The following PRMT8 variants were observed in gnomAD, a reference collection of about 807,000 sequenced individuals.
PRMT8 encodes the protein protein arginine methyltransferase 8.
Under a neutral mutation model 47.1 loss-of-function variants are expected in PRMT8, and 7 were observed. The ratio of observed to expected loss-of-function variants is 0.15; its 90% CI spans 0.08 to 0.28. The LOEUF (loss-of-function observed/expected upper bound fraction) is 0.28. PRMT8 is among the 10% of genes least tolerant of loss of function. The pLI is 1.00. For synonymous variants in PRMT8, 188 were observed against 186.5 expected (o/e 1.01, Z -0.07); for missense variants, 237 against 505.4 (o/e 0.47, Z 5.09).
intron 1 of PRMT8, among the ~76,000 whole-genome samples, chr12:3,420,892 G>A (rs758449195): frequency 6.6e-6 from 1 of 152,214 alleles, no homozygotes; most frequent in Non-Finnish European, 1.5e-5. Flanking sequence ...GGCTGCTTCA[G>A]TGAATCTGGA....
chr12:3,491,588 T>C lies in PRMT8; in HGVS notation c.-38T>C, dbSNP rs1173272062. On this transcript the variant is annotated 5_prime_UTR_variant, in exon 1 of 10. Coordinates refer to ENST00000382622, the MANE Select transcript of PRMT8 (RefSeq NM_019854.5). ...AAGCGACACCAGCTCTCTCTCCTCC[T>C]CTACTATCTCGGTATCACCAAACCC... The C allele has an allele frequency of 6.2e-7, 1 of 1,603,002 alleles. No homozygotes were observed.
Position 3,493,170 on chromosome 12 carries a change from T to A in PRMT8, c.75+1470T>A, listed in dbSNP as rs558089306. Among the ~76,000 whole-genome samples the A allele has an allele frequency of 1.3e-5, 2 of 152,282 alleles. No homozygotes were observed. Among genetic ancestry groups the A allele is most frequent in the East Asian group, 3.9e-4 (2 of 5,170 alleles). On this transcript the variant is annotated intron_variant, in intron 1 of 9. Coordinates refer to ENST00000382622, the MANE Select transcript of PRMT8 (RefSeq NM_019854.5). The surrounding 1 kb of genome is among the most constrained non-coding windows in gnomAD (Gnocchi z 8.2). ...GCATTCAGTAGCGAATGCTGTCTCC[T>A]TGAGTTAGGGCAAAGCCTGCGTGCC...
upstream of PRMT8, among the ~76,000 whole-genome samples, chr12:3,490,675 A>AAGAGAGAGAGAG (rs370069857): frequency 0.03 from 3,596 of 120,754 alleles, 93 homozygotes; most frequent in Admixed American, 0.052. Flanking sequence ...TTTGGGTACA[A>AAGAGAGAGAGAG]AGAGAGAGAG....
At chr12:3,511,699 G>A (rs1865716533) in intron 1 of PRMT8, among the ~76,000 whole-genome samples, 1 of 152,186 alleles carries the variant, frequency 6.6e-6, no homozygotes, top group African/African-American at 2.4e-5. Context: ...GTGTTGGAGA[G>A]AATCCAGTCC....
chr12:3,424,414 A>G (rs1864579161), intron 1 of PRMT8, among the ~76,000 whole-genome samples: 1 of 152,212 alleles, frequency 6.6e-6, no homozygotes, highest in Non-Finnish European at 1.5e-5. Flanking sequence ...TCATTTTTAC[A>G]GAGTCCTAAT....
intron 1 of PRMT8, among the ~76,000 whole-genome samples, chr12:3,437,622 C>CTATATATATATATATA (rs57504454): frequency 1.6e-4 from 23 of 142,860 alleles, no homozygotes; most frequent in African/African-American, 5.7e-4. Flanking sequence ...TGCATTCAGG[C>CTATATATATATATATA]TATATATATA....
intron 1 of PRMT8, among the ~76,000 whole-genome samples, chr12:3,400,644 C>T (rs556909727): frequency 1.3e-5 from 2 of 152,282 alleles, no homozygotes; most frequent in South Asian, 2.1e-4. Flanking sequence ...AGGGACTCCT[C>T]GCTAACTCAT....
intron 1 of PRMT8, among the ~76,000 whole-genome samples, chr12:3,496,914 AT>A (rs34785835): frequency 0.2 from 26,077 of 129,334 alleles, 1,715 homozygotes; most frequent in Middle Eastern, 0.29. Context: ...AAGATACCCA[AT>A]TTTTTTTTTT....
intron 1 of PRMT8, among the ~76,000 whole-genome samples, chr12:3,426,934 G>A (rs972581182): frequency 1.3e-5 from 2 of 152,040 alleles, no homozygotes; most frequent in East Asian, 1.9e-4. Flanking sequence ...TGATGAGAAC[G>A]TGATCGTCAG....
At chr12:3,511,069 A>C (rs1865705755) in intron 1 of PRMT8, among the ~76,000 whole-genome samples, 1 of 152,176 alleles carries the variant, frequency 6.6e-6, no homozygotes. Context: ...AATGGAGACA[A>C]TGGGCATGAG....
In PRMT8 at chr12:3,388,824, T is replaced by C. The variant is rs557950830; in HGVS notation, c.48+7382T>C. On this transcript the variant is annotated intron_variant, in intron 1 of 9. Transcript: ENST00000452611. ...GAAAAAAGTGATAGTCAAGATCATA[T>C]AGACACAATTTATTTCGTCTCTCAA... 5.2e-5 allele frequency among the ~76,000 whole-genome samples: 8 copies of C among 152,384 alleles called. No homozygotes were observed. The East Asian group carries it at 1.3e-3, about 26-fold the overall frequency.
intron 4 of PRMT8, among the ~76,000 whole-genome samples, chr12:3,563,200 C>T (rs977167333): frequency 7.9e-5 from 12 of 152,014 alleles, no homozygotes; most frequent in African/African-American, 2.9e-4. Flanking sequence ...CAGGCAGGGT[C>T]TCTGGCCAGG....
intron 1 of PRMT8, among the ~76,000 whole-genome samples, chr12:3,513,285 G>A (rs750611504): frequency 2.0e-5 from 3 of 152,198 alleles, no homozygotes; most frequent in Non-Finnish European, 4.4e-5. Context: ...AGGACAAAGA[G>A]GGCTTGGTCT....
chr12:3,582,722 G>C (rs1445906708), intron 7 of PRMT8, among the ~76,000 whole-genome samples: 1 of 152,272 alleles, frequency 6.6e-6, no homozygotes. Context: ...TGCTCTGACA[G>C]GTGAAGGGAT....
intron 1 of PRMT8, among the ~76,000 whole-genome samples, chr12:3,467,512 G>A (rs1392849233): frequency 6.8e-6 from 1 of 147,232 alleles, no homozygotes; most frequent in African/African-American, 2.5e-5. Flanking sequence ...GAGGTTGAGG[G>A]GAGATCTACC....
intron 1 of PRMT8, among the ~76,000 whole-genome samples, chr12:3,395,116 G>T (rs1864235666): frequency 6.7e-6 from 1 of 148,958 alleles, no homozygotes. Flanking sequence ...TTCTTTATTA[G>T]TCTTGCTAGC....
chr12:3,442,916 C>G (rs1864818851), intron 1 of PRMT8, among the ~76,000 whole-genome samples: 1 of 152,160 alleles, frequency 6.6e-6, no homozygotes, highest in African/African-American at 2.4e-5. Context: ...CTCGGCCTCC[C>G]AAAGTGCTGG....
chr12:3,524,390 C>A (rs1565430745), intron 1 of PRMT8, among the ~76,000 whole-genome samples: 1 of 152,112 alleles, frequency 6.6e-6, no homozygotes, highest in South Asian at 2.1e-4. Flanking sequence ...AAATACTAGG[C>A]CCCTGCTTCG....
intron 1 of PRMT8, among the ~76,000 whole-genome samples, chr12:3,479,191 G>T (rs1181850662): frequency 2.0e-5 from 3 of 152,212 alleles, no homozygotes; most frequent in African/African-American, 7.2e-5. Flanking sequence ...GCCTAATTGG[G>T]TTTGAGAAAA....
Sources: gnomAD v4.1 joint callset for allele counts (sites outside exome capture counted in the v4.1 genomes callset) on GRCh38, gnomAD v4.1.1 for gene constraint, Gnocchi (gnomAD v3.1) non-coding constraint, MANE v1.5 for transcripts, NCBI Gene and HGNC (gene_info 2026-07-23, HGNC 2026-07-21) for gene names.